ZNF385D: variants seen among roughly 807,000 people sequenced by gnomAD.
ZNF385D encodes the protein zinc finger protein 385D.
In ZNF385D, 15 loss-of-function variants were observed where a neutral mutation model predicts 35.8. The ratio of observed to expected loss-of-function variants is 0.42; its 90% CI spans 0.28 to 0.64. The LOEUF (loss-of-function observed/expected upper bound fraction) is 0.64, where lower values mean the gene tolerates loss of function less well. ZNF385D is among the 30% of genes least tolerant of loss of function. The pLI is 0.23. For missense variants in ZNF385D, 474 were observed against 494.6 expected (o/e 0.96, Z 0.39); for synonymous variants, 212 against 186.8 (o/e 1.13, Z -1.10).
At chr3:22,104,990 G>C (rs1302351444) in intron 3 of ZNF385D, among the ~76,000 whole-genome samples, 7 of 152,092 alleles carry the variant, frequency 4.6e-5, no homozygotes, top group African/African-American at 1.7e-4. Flanking sequence ...TATTATTAGA[G>C]AATGAAAGGA....
intron 3 of ZNF385D, among the ~76,000 whole-genome samples, chr3:22,091,191 T>C (rs547189866): frequency 1.6e-4 from 24 of 152,270 alleles, no homozygotes; most frequent in East Asian, 3.9e-4. Flanking sequence ...ACTTGGTTGA[T>C]TGACTGAAAC....
At chr3:21,965,207 T>A (rs1702848506) in intron 3 of ZNF385D, among the ~76,000 whole-genome samples, 1 of 152,194 alleles carries the variant, frequency 6.6e-6, no homozygotes, top group Non-Finnish European at 1.5e-5. Flanking sequence ...ACCCTAAGTT[T>A]CTTTATCTGC....
At chr3:22,065,468 C>A (rs1699894023) in intron 3 of ZNF385D, among the ~76,000 whole-genome samples, 1 of 152,088 alleles carries the variant, frequency 6.6e-6, no homozygotes, top group Admixed American at 6.6e-5. Context: ...GTAGGGGCAA[C>A]AAGAGGTTGC....
At chr3:22,305,995 C>T (rs1371489501) in intron 2 of ZNF385D, among the ~76,000 whole-genome samples, 1 of 152,114 alleles carries the variant, frequency 6.6e-6, no homozygotes, top group African/African-American at 2.4e-5. Context: ...TCCTATCACT[C>T]CTTTTAGCTG....
chr3:21,815,287 G>C (rs2073096700), intron 3 of ZNF385D, among the ~76,000 whole-genome samples: 1 of 152,118 alleles, frequency 6.6e-6, no homozygotes, highest in Non-Finnish European at 1.5e-5. Flanking sequence ...AGAGAAGCAA[G>C]AGCAAACAGA....
chr3:21,499,991 G>C (rs1706243046), intron 4 of ZNF385D, among the ~76,000 whole-genome samples: 1 of 152,088 alleles, frequency 6.6e-6, no homozygotes, highest in Admixed American at 6.6e-5. Context: ...ACTCAATAGA[G>C]CTTTTTAAAA....
intron 3 of ZNF385D, among the ~76,000 whole-genome samples, chr3:21,930,758 A>T (rs1481118289): frequency 6.6e-6 from 1 of 152,112 alleles, no homozygotes; most frequent in African/African-American, 2.4e-5. Context: ...TGCTAATAAG[A>T]TGCCCATATG....
chr3:22,253,741 C>T (rs966457931), intron 2 of ZNF385D, among the ~76,000 whole-genome samples: 2 of 151,676 alleles, frequency 1.3e-5, no homozygotes, highest in Non-Finnish European at 2.9e-5. Context: ...GAAAATATTG[C>T]AAAAGTGAGC....
At chr3:22,346,103 GC>G (rs1480415328) in intron 2 of ZNF385D, among the ~76,000 whole-genome samples, 5 of 152,108 alleles carry the variant, frequency 3.3e-5, no homozygotes, top group African/African-American at 4.8e-5. Flanking sequence ...TTGAATGTCT[GC>G]TTTACTCCCT....
intron 3 of ZNF385D, among the ~76,000 whole-genome samples, chr3:21,807,247 T>G (rs895489759): frequency 1.3e-5 from 2 of 152,206 alleles, no homozygotes; most frequent in Non-Finnish European, 2.9e-5. Flanking sequence ...ATAAGCAAAG[T>G]CTGAGAAATC....
At chr3:21,772,048 T>C (rs981658117) in intron 3 of ZNF385D, among the ~76,000 whole-genome samples, 1 of 151,912 alleles carries the variant, frequency 6.6e-6, no homozygotes, top group African/African-American at 2.4e-5. Context: ...GTAAATGGAC[T>C]GTTATCTAAA....
intron 4 of ZNF385D, among the ~76,000 whole-genome samples, chr3:21,486,899 C>A (rs1575029582): frequency 6.6e-6 from 1 of 151,936 alleles, no homozygotes; most frequent in Non-Finnish European, 1.5e-5. Flanking sequence ...TGGCTAGGAC[C>A]ATGCAAAGCA....
intron 2 of ZNF385D, among the ~76,000 whole-genome samples, chr3:21,585,160 T>C (rs1351439992): frequency 2.0e-5 from 3 of 152,184 alleles, no homozygotes; most frequent in East Asian, 3.8e-4. Context: ...CCAAAATACC[T>C]GACATCAATA....
At chr3:21,870,897 C>A (rs1409976174) in intron 3 of ZNF385D, among the ~76,000 whole-genome samples, 1 of 152,132 alleles carries the variant, frequency 6.6e-6, no homozygotes, top group East Asian at 1.9e-4. Context: ...CAAGCCACAG[C>A]TCTCAACTCC....
intron 3 of ZNF385D, among the ~76,000 whole-genome samples, chr3:22,094,703 C>T (rs570035763): frequency 2.1e-4 from 32 of 151,910 alleles, no homozygotes; most frequent in Non-Finnish European, 3.4e-4. Flanking sequence ...CATGAGAATA[C>T]CAGACATGCT....
intron 3 of ZNF385D, among the ~76,000 whole-genome samples, chr3:22,101,967 G>A (rs191278565): frequency 7.5e-4 from 113 of 151,258 alleles, no homozygotes; most frequent in Non-Finnish European, 1.2e-3. Flanking sequence ...AAGTTTCATA[G>A]GATCTAGTAT....
In ZNF385D at chr3:22,137,733, G is replaced by A. The variant is rs1329775222; in HGVS notation, c.325+31084C>T. ...ATATCATACTGAATGGACAAAAACTGGAAGCATTCCCTTTGAAAACTGGCA... is the reference window on the plus strand; with the variant it reads ...ATATCATACTGAATGGACAAAAACTAGAAGCATTCCCTTTGAAAACTGGCA... On this transcript the variant is annotated intron_variant, in intron 3 of 5. Coordinates refer to the ZNF385D transcript ENST00000494108. Among the ~76,000 whole-genome samples, 9 of 152,006 alleles carry A rather than the reference G, an allele frequency of 5.9e-5. No individual in the cohort carries two copies. The East Asian group carries it at 1.7e-3, about 29-fold the overall frequency.
chr3:21,895,390 C>T (rs1575857449), intron 3 of ZNF385D, among the ~76,000 whole-genome samples: 1 of 137,182 alleles, frequency 7.3e-6, no homozygotes, highest in South Asian at 2.5e-4. Flanking sequence ...TGTAATGGCG[C>T]AGTCTTGGCT....
chr3:21,751,452 T>C (rs898076957), upstream of ZNF385D: 16 of 986,524 alleles, frequency 1.6e-5, no homozygotes, highest in Admixed American at 6.1e-5. Flanking sequence ...GGGACGTGGT[T>C]AAGGCGAGTT....
Sources: allele counts gnomAD v4.1 joint callset (sites outside exome capture counted in the v4.1 genomes callset), GRCh38; gene constraint gnomAD v4.1.1; transcripts MANE v1.5; gene names NCBI Gene and HGNC (gene_info 2026-07-23, HGNC 2026-07-21).